The following LRRC1 variants were observed in gnomAD, a reference collection of about 807,000 sequenced individuals.
LRRC1 encodes the protein leucine rich repeat containing 1.
Under a neutral mutation model 69.9 loss-of-function variants are expected in LRRC1, and 28 were observed. The observed-to-expected ratio is 0.40, with a 90% CI of 0.30 to 0.55. LRRC1 has a LOEUF of 0.55. Ranked by LOEUF, LRRC1 falls within the 20% of genes least tolerant of loss-of-function variation. The pLI is 0.47. For synonymous variants in LRRC1, 236 were observed against 240.2 expected (o/e 0.98, Z 0.16); for missense variants, 498 against 609.0 (o/e 0.82, Z 1.92).
At position 53,919,717 on chromosome 6, in the gene LRRC1, A is replaced by G. The variant is rs151300059; in HGVS notation, c.1279+47A>G. Reference sequence around the variant, plus strand: ...TATTCACAGGGCCACGAGATTGAGTAGGACCTAATGTCTGTCCATAAGGCC... The same window carrying G: ...TATTCACAGGGCCACGAGATTGAGTGGGACCTAATGTCTGTCCATAAGGCC... On this transcript the variant is annotated intron_variant, in intron 12 of 13. Coordinates refer to ENST00000370888, the MANE Select transcript of LRRC1 (RefSeq NM_018214.5). The G allele has an allele frequency of 3.2e-4, 491 of 1,548,594 alleles. 3 individuals carry two copies. In the African/African-American group the frequency reaches 4.1e-3, roughly 13 times the overall value.
intron 3 of LRRC1, among the ~76,000 whole-genome samples, chr6:53,882,228 A>G (rs1451941718): frequency 2.6e-5 from 4 of 152,162 alleles, no homozygotes; most frequent in African/African-American, 9.7e-5. Flanking sequence ...CGTGCCTGTA[A>G]TCCCAGCTAC....
chr6:53,811,811 G>A (rs893758964), intron 1 of LRRC1, among the ~76,000 whole-genome samples: 3 of 152,246 alleles, frequency 2.0e-5, no homozygotes, highest in Non-Finnish European at 2.9e-5. Context: ...CTACAAAGGC[G>A]CAGGCTTTTA....
chr6:53,826,637 G>A (rs1765264637), intron 1 of LRRC1, among the ~76,000 whole-genome samples: 1 of 152,132 alleles, frequency 6.6e-6, no homozygotes, highest in African/African-American at 2.4e-5. Flanking sequence ...TGTCAAGAGT[G>A]ATTGACTTTT....
At chr6:53,885,577 C>A (rs911160138) in intron 4 of LRRC1, among the ~76,000 whole-genome samples, 3 of 152,158 alleles carry the variant, frequency 2.0e-5, no homozygotes, top group African/African-American at 2.4e-5. Flanking sequence ...GATGGGTAAA[C>A]CACATTAGCA....
chr6:53,866,874 A>G (rs182651954), intron 2 of LRRC1, among the ~76,000 whole-genome samples: 18 of 152,242 alleles, frequency 1.2e-4, no homozygotes, highest in African/African-American at 4.3e-4. Context: ...TTAGGTAAAG[A>G]AAAAATTTAA....
intron 1 of LRRC1, among the ~76,000 whole-genome samples, chr6:53,797,809 C>A (rs1412710691): frequency 1.3e-5 from 2 of 152,200 alleles, no homozygotes; most frequent in Non-Finnish European, 2.9e-5. Context: ...AATTCAGATT[C>A]AGAATTGAGG....
chr6:53,843,523 T>C (rs7745227), intron 2 of LRRC1, among the ~76,000 whole-genome samples: 1,629 of 152,352 alleles, frequency 0.011, 27 homozygotes, highest in African/African-American at 0.037. Context: ...TCTTCTATTT[T>C]GCATGAAAAT....
chr6:53,805,662 A>G (rs1338036524), intron 1 of LRRC1, among the ~76,000 whole-genome samples: 1 of 152,222 alleles, frequency 6.6e-6, no homozygotes. Context: ...ATGAAGTTGT[A>G]TGAAAGTTAC....
chr6:53,880,297 C>T (rs1003367604), intron 3 of LRRC1, among the ~76,000 whole-genome samples: 6 of 151,784 alleles, frequency 4.0e-5, no homozygotes, highest in African/African-American at 7.3e-5. Flanking sequence ...TAAGCTATAC[C>T]CTAATAGCTT....
chr6:53,803,549 A>G (rs1764552017), intron 1 of LRRC1, among the ~76,000 whole-genome samples: 1 of 151,964 alleles, frequency 6.6e-6, no homozygotes, highest in African/African-American at 2.4e-5. Context: ...TTACTATTGC[A>G]TGTGGTATTT....
In LRRC1 at chr6:53,914,683, G is replaced by A. The variant is rs149533503; in HGVS notation, c.1106+714G>A. 1.3e-4 allele frequency among the ~76,000 whole-genome samples: 20 copies of A among 152,198 alleles called. No homozygotes were observed. The East Asian group carries it at 2.9e-3, about 22-fold the overall frequency. On this transcript the variant is annotated intron_variant, in intron 11 of 13. Coordinates refer to ENST00000370888, the MANE Select transcript of LRRC1 (RefSeq NM_018214.5). The stretch of plus-strand genomic sequence containing the variant: ...TTTCAGCACCCTAAATGTCATATGC[G>A]CCTTCTCTGTGAACAGAAACAGGCT...
chr6:53,803,241 A>G (rs552431686), intron 1 of LRRC1, among the ~76,000 whole-genome samples: 1 of 152,336 alleles, frequency 6.6e-6, no homozygotes, highest in African/African-American at 2.4e-5. Flanking sequence ...TGCGATGATG[A>G]CAGATCCCAG....
At chr6:53,897,399 C>T (rs1388200922) in intron 7 of LRRC1, 40 bp downstream of exon 7, 1 of 1,382,580 alleles carries the variant, frequency 7.2e-7, no homozygotes, top group Non-Finnish European at 1.0e-6. Flanking sequence ...AAACATAAAA[C>T]AGCAACAATA....
At position 53,913,811 on chromosome 6, in the gene LRRC1, C is replaced by G. The variant is rs185425553; in HGVS notation, c.991-43C>G. On this transcript the variant is annotated intron_variant, in intron 10 of 13. Coordinates refer to ENST00000370888, the MANE Select transcript of LRRC1 (RefSeq NM_018214.5). ...GGTACTCTGATCCTACTCCATCTCCCCTAGAAAACTGGAAAAAAGATGTAT... is the reference window on the plus strand; with the variant it reads ...GGTACTCTGATCCTACTCCATCTCCGCTAGAAAACTGGAAAAAAGATGTAT... 130 of 1,360,022 alleles carry G rather than the reference C, an allele frequency of 9.6e-5. 1 individual carries two copies. In the East Asian group the frequency reaches 2.3e-3, roughly 24 times the overall value. 84.2% of individuals were successfully genotyped at this position (1,360,022 alleles called of 1,614,324 possible).
chr6:53,859,166 G>A (rs1442809255), intron 2 of LRRC1, among the ~76,000 whole-genome samples: 4 of 152,286 alleles, frequency 2.6e-5, no homozygotes, highest in African/African-American at 9.6e-5. Flanking sequence ...AGGGAAGATA[G>A]AGAAAAATAT....
At chr6:53,882,415 A>T (rs1767323123) in intron 3 of LRRC1, among the ~76,000 whole-genome samples, 1 of 152,244 alleles carries the variant, frequency 6.6e-6, no homozygotes, top group African/African-American at 2.4e-5. Context: ...TCCCCTGGGT[A>T]TTATAAACTA....
chr6:53,840,773 T>C (rs531655891), intron 1 of LRRC1, among the ~76,000 whole-genome samples: 3 of 152,298 alleles, frequency 2.0e-5, no homozygotes, highest in South Asian at 4.1e-4. Flanking sequence ...TATGGTGTTA[T>C]GTTGCTTCAT....
intron 9 of LRRC1, 151 bp downstream of exon 9, chr6:53,902,898 C>A: frequency 1.8e-6 from 1 of 566,760 alleles, no homozygotes. Context: ...AGTTTTTAAC[C>A]TGCTTAAGCA....
At chr6:53,799,213 C>G (rs1764395019) in intron 1 of LRRC1, among the ~76,000 whole-genome samples, 1 of 152,248 alleles carries the variant, frequency 6.6e-6, no homozygotes, top group African/African-American at 2.4e-5. Flanking sequence ...ATGCCTGCCC[C>G]CTACATCATT....
Sources: gnomAD v4.1 joint callset for allele counts (sites outside exome capture counted in the v4.1 genomes callset) on GRCh38, gnomAD v4.1.1 for gene constraint, MANE v1.5 for transcripts, NCBI Gene and HGNC (gene_info 2026-07-23, HGNC 2026-07-21) for gene names.